NOS1: variants seen among roughly 807,000 people sequenced by gnomAD.
The protein encoded by NOS1 is NOS type I.
Under a neutral mutation model 164.5 loss-of-function variants are expected in NOS1, and 51 were observed. The observed-to-expected ratio is 0.31, with a 90% CI of 0.25 to 0.39. The LOEUF (loss-of-function observed/expected upper bound fraction) is 0.39, where lower values mean the gene tolerates loss of function less well. Ranked by LOEUF, NOS1 falls within the 10% of genes least tolerant of loss-of-function variation. The pLI is 1.00. For missense variants in NOS1, 1,362 were observed against 1,885.6 expected, an observed-to-expected ratio of 0.72 and a Z score of 5.14; for synonymous variants, 719 against 745.8, an observed-to-expected ratio of 0.96 and a Z score of 0.59.
intron 2 of NOS1, among the ~76,000 whole-genome samples, chr12:117,315,106 T>A (rs560194700): frequency 2.7e-4 from 41 of 152,220 alleles, no homozygotes; most frequent in South Asian, 4.1e-4. Flanking sequence ...ATTCTTTTTT[T>A]AAAAAAAATC....
chr12:117,361,189 C>G (rs1469118480), intron 1 of NOS1, among the ~76,000 whole-genome samples: 1 of 151,760 alleles, frequency 6.6e-6, no homozygotes, highest in Non-Finnish European at 1.5e-5. Flanking sequence ...CCGCCCGCCT[C>G]GTACTCCTCC....
rs192297868 is a variant in NOS1 at position 117,234,623 on chromosome 12, C to T, written c.3177G>A (p.Ala1059=). 430 of 1,614,080 alleles carry T rather than the reference C, an allele frequency of 2.7e-4. No homozygotes were observed. The African/African-American group carries it at 2.9e-3, about 11-fold the overall frequency. The stretch of plus-strand genomic sequence containing the variant: ...CTTTCACCATCTGGTTGACAGGCGG[C>T]GCGTCCTCCAGCCGCTCGATCAGGG... ...VNALIERLED[A]PPVNQMVKVE... is the part of the protein sequence containing the mutation. The change falls in exon 21 of 29, where the codon GCG becomes GCA. Residue 1059 remains alanine, a synonymous_variant. Coordinates refer to ENST00000317775, the MANE Select transcript of NOS1 (RefSeq NM_000620.5). This position sits in a 1 kb window ranked among gnomAD's most constrained non-coding sequence, Gnocchi z 4.3.
chr12:117,303,109 G>A (rs1873934831), intron 3 of NOS1, among the ~76,000 whole-genome samples: 1 of 152,146 alleles, frequency 6.6e-6, no homozygotes. Flanking sequence ...GCTTCCTGGT[G>A]AGCATGCTAG....
Position 117,331,170 on chromosome 12 carries a change from A to G in NOS1, c.-101T>C. 6.9e-7 allele frequency: 1 copy of G among 1,448,438 alleles called. No individual in the cohort carries two copies. The highest frequency in any genetic ancestry group is 2.3e-5 in the East Asian group (1 of 43,630). 89.7% of individuals were successfully genotyped at this position (1,448,438 alleles called of 1,614,324 possible). ...CCAGGCTTCAGGCTACACGGAGAGC[A>G]GGAGCCGGGGTGACAGGTGCTGACA... On this transcript the variant is annotated 5_prime_UTR_variant, in exon 2 of 29. Coordinates refer to ENST00000317775, the MANE Select transcript of NOS1 (RefSeq NM_000620.5).
At chr12:117,231,921 G>A (rs1393623875) in intron 22 of NOS1, 41 bp downstream of exon 22, 3 of 1,580,578 alleles carry the variant, frequency 1.9e-6, no homozygotes, top group Non-Finnish European at 2.6e-6. Context: ...ACGAGGAGGT[G>A]AAATGCGCCC....
intron 11 of NOS1, among the ~76,000 whole-genome samples, chr12:117,266,746 C>T (rs537278914): frequency 1.3e-5 from 2 of 152,048 alleles, no homozygotes; most frequent in Non-Finnish European, 2.9e-5. Flanking sequence ...CCATGTTGGC[C>T]AGGCTGCTCT....
At position 117,309,409 on chromosome 12, in the gene NOS1, C is replaced by T. The variant is rs144250997; in HGVS notation, c.852+2057G>A. On this transcript the variant is annotated intron_variant, in intron 3 of 28. Transcript: ENST00000317775. Reference sequence around the variant, plus strand: ...AGGCTCTAGAATGTCTCATCCTCCCCGCTGAAGCTGTGTAGAGAACTTTGA... The same window carrying T: ...AGGCTCTAGAATGTCTCATCCTCCCTGCTGAAGCTGTGTAGAGAACTTTGA... 16 of 984,944 alleles carry T rather than the reference C, an allele frequency of 1.6e-5. No individual in the cohort carries two copies. The Admixed American group carries it at 1.8e-4, about 11-fold the overall frequency. The allele number at this position is 984,944 out of a possible 1,614,324, so 61.0% of individuals were successfully genotyped here. A position where few individuals can be genotyped will look rare whatever the true frequency, so the allele number is the denominator to read the frequency against.
At chr12:117,266,480 A>G (rs1472647787) in intron 11 of NOS1, among the ~76,000 whole-genome samples, 2 of 151,790 alleles carry the variant, frequency 1.3e-5, no homozygotes, top group African/African-American at 4.8e-5. Flanking sequence ...TTGTGCTGTT[A>G]TAAACATGTG....
intron 17 of NOS1, among the ~76,000 whole-genome samples, chr12:117,248,148 T>C (rs1354705681): frequency 6.6e-6 from 1 of 151,800 alleles, no homozygotes; most frequent in Non-Finnish European, 1.5e-5. Context: ...ATCTTGGACT[T>C]GTGGCTTCCA....
Position 117,227,490 on chromosome 12 carries a change from G to A in NOS1, c.3557C>T (p.Pro1186Leu). Reference protein sequence around the residue: ...QPRYYSISSSPDMYPDEVHLT... With the variant: ...QPRYYSISSSLDMYPDEVHLT... Reference sequence around the variant, plus strand: ...GTGCACTTCATCAGGGTACATGTCTGGGGAGGAGCTGATGGAATAGTAGCG... The same window carrying A: ...GTGCACTTCATCAGGGTACATGTCTAGGGAGGAGCTGATGGAATAGTAGCG... The change falls in exon 23 of 29, where the codon CCA becomes CTA. Residue 1186 changes from proline to leucine, a missense_variant. Physicochemically the swap from Pro to Leu is moderately conservative, Grantham distance 98. Coordinates refer to ENST00000317775, the MANE Select transcript of NOS1 (RefSeq NM_000620.5). 2 of 1,613,326 alleles carry A rather than the reference G, an allele frequency of 1.2e-6. No homozygotes were observed. The highest frequency in any genetic ancestry group is 3.3e-5 in the Admixed American group (2 of 59,900).
At chr12:117,247,815 AG>A (rs1870745831) in intron 17 of NOS1, among the ~76,000 whole-genome samples, 1 of 152,022 alleles carries the variant, frequency 6.6e-6, no homozygotes, top group African/African-American at 2.4e-5. Context: ...GCATGGTGGC[AG>A]GCGCCTGTAG....
chr12:117,289,372 G>T (rs1288148590), intron 4 of NOS1, among the ~76,000 whole-genome samples: 1 of 152,190 alleles, frequency 6.6e-6, no homozygotes, highest in Non-Finnish European at 1.5e-5. Flanking sequence ...TGAATTTCTT[G>T]CCCAGGGAAT....
Position 117,213,639 on chromosome 12 carries a change from A to C in NOS1, c.*1670T>G, listed in dbSNP as rs1295732061. The stretch of plus-strand genomic sequence containing the variant: ...AGGGCCAGTGCACTTCCTCTTTAGC[A>C]GACACCCAAACTGAACAACAAGATA... On this transcript the variant is annotated 3_prime_UTR_variant, in exon 29 of 29. Transcript: ENST00000317775. The C allele has an allele frequency of 5.1e-6, 5 of 985,498 alleles. No individual in the cohort carries two copies. Among genetic ancestry groups the C allele is most frequent in the Non-Finnish European group, 2.4e-6 (2 of 829,964 alleles). The allele number at this position is 985,498 out of a possible 1,614,324, so 61.0% of individuals were successfully genotyped here.
intron 28 of NOS1, 28 bp downstream of exon 28, chr12:117,218,018 C>T: frequency 6.6e-7 from 1 of 1,512,804 alleles, no homozygotes; most frequent in Non-Finnish European, 9.2e-7. Flanking sequence ...CTCTTCCTGC[C>T]CCTCACCCAG....
chr12:117,322,084 CTCT>C (rs1265216374), intron 2 of NOS1, among the ~76,000 whole-genome samples: 13 of 125,312 alleles, frequency 1.0e-4, no homozygotes, highest in African/African-American at 3.5e-4. Flanking sequence ...CTCCCTTTCT[CTCT>C]TCTTCCTTCC....
chr12:117,229,066 C>T (rs548310724), intron 22 of NOS1, among the ~76,000 whole-genome samples: 1 of 152,228 alleles, frequency 6.6e-6, no homozygotes, highest in Non-Finnish European at 1.5e-5. Context: ...TAGGCATGAG[C>T]CACTGCGACC....
chr12:117,279,310 A>T (rs547322312), intron 8 of NOS1, among the ~76,000 whole-genome samples: 3 of 152,206 alleles, frequency 2.0e-5, no homozygotes, highest in Non-Finnish European at 1.5e-5. Context: ...TCAGAGTTGC[A>T]GTGAGCTGAG....
chr12:117,242,696 T>C lies in NOS1; in HGVS notation c.2972A>G (p.Asn991Ser), dbSNP rs748128819. 7.4e-6 allele frequency: 12 copies of C among 1,613,942 alleles called. No homozygotes were observed. The Admixed American group carries it at 1.7e-4, about 22-fold the overall frequency. Residue 991 changes from asparagine (N) to serine (S), a missense_variant, in exon 20 of 29, where the codon AAT (asparagine) becomes AGT (serine). This residue lies in a region of NOS1 where 737 missense variants were observed against 1,030.3 expected (regional missense o/e 0.72). Transcript: ENST00000317775. ...EAPELTQGLS[N>S]VHKKRVSAAR... The stretch of plus-strand genomic sequence containing the variant: ...AGCTGAGACTCGCTTTTTGTGGACA[T>C]TGGATAGACCTGTGGGGAGAAAAAC...
Position 117,210,902 on chromosome 12 carries a change from T to G in NOS1, c.*4407A>C, listed in dbSNP as rs1195406419. The G allele has an allele frequency of 2.0e-6, 2 of 985,350 alleles. No homozygotes were observed. The highest frequency in any genetic ancestry group is 1.7e-5 in the African/African-American group (1 of 57,250). 61.0% of individuals were successfully genotyped at this position (985,350 alleles called of 1,614,324 possible). ...TGAAAACTCATCTTTTCCCTGAGCC[T>G]GCTCTTCAGAGACCTCTCTCTCAGC... On this transcript the variant is annotated 3_prime_UTR_variant, in exon 29 of 29. Transcript: ENST00000317775.
Sources: allele counts gnomAD v4.1 joint callset (sites outside exome capture counted in the v4.1 genomes callset), GRCh38; gene constraint gnomAD v4.1.1; regional missense constraint gnomAD v4.1.1; non-coding constraint Gnocchi (gnomAD v3.1); transcripts MANE v1.5; gene names NCBI Gene and HGNC (gene_info 2026-07-23, HGNC 2026-07-21).